The following KAZALD1 variants were observed in gnomAD, a reference collection of about 807,000 sequenced individuals.
KAZALD1 encodes kazal-type serine protease inhibitor domain-containing protein 1.
KAZALD1 carries 31 observed loss-of-function variants against 27.7 expected under a neutral mutation model. That is an observed-to-expected ratio of 1.12 (90% CI 0.84 to 1.51). The LOEUF is 1.51. Ranked by LOEUF, KAZALD1 falls within the 40% of genes most tolerant of loss-of-function variation. KAZALD1 has a pLI of 0.00. For missense variants in KAZALD1, 444 were observed against 408.9 expected (o/e 1.09, Z -0.74); for synonymous variants, 179 against 182.0 (o/e 0.98, Z 0.13).
In KAZALD1 at chr10:101,065,742, C is replaced by T. The variant is rs1263449757; in HGVS notation, c.*822C>T. 6.6e-6 allele frequency: 1 copy of T among 152,298 alleles called. No homozygotes were observed. Among genetic ancestry groups the T allele is most frequent in the Non-Finnish European group, 1.5e-5 (1 of 68,096 alleles). 9.4% of individuals were successfully genotyped at this position (152,298 alleles called of 1,614,324 possible). A position where few individuals can be genotyped will look rare whatever the true frequency, so the allele number is the denominator to read the frequency against. ...AGAAAGTTTGAACTTGGGCCTATCC[C>T]GCCTTTGAGGGAGGGAGGCTGGAGC... is the stretch of plus-strand genomic sequence containing the variant. On this transcript the variant is annotated 3_prime_UTR_variant, in exon 5 of 5. Coordinates refer to ENST00000370200, the MANE Select transcript of KAZALD1 (RefSeq NM_030929.5).
Position 101,064,608 on chromosome 10 carries a change from T to A in KAZALD1, c.780T>A (p.Gly260=), listed in dbSNP as rs776614304. 6.2e-7 allele frequency: 1 copy of A among 1,613,844 alleles called. No individual in the cohort carries two copies. Among genetic ancestry groups the A allele is most frequent in the Non-Finnish European group, 8.5e-7 (1 of 1,179,996 alleles). ...GCTGCCTTGGCCGCAATGCCCTGGG[T>A]CAAGTGGAGGCCCCTGCTAGCTTGA... ...TYRCLGRNAL[G]QVEAPASLTV... The change falls in exon 4 of 5, where the codon GGT becomes GGA. Residue 260 remains glycine, a synonymous_variant. Transcript: ENST00000370200.
rs1299468923 is a variant in KAZALD1, at chr10:101,064,498, C to A, written c.673-3C>A. On this transcript the variant is annotated splice_region_variant and splice_polypyrimidine_tract_variant and intron_variant, in intron 3 of 4. Coordinates refer to ENST00000370200, the MANE Select transcript of KAZALD1 (RefSeq NM_030929.5). ...ACCCTGCTGATTCCTTGCCTGGCTC[C>A]AGTTTAGGGGTGGACCCCAGAGGTT... 1.2e-6 allele frequency: 2 copies of A among 1,614,180 alleles called. No individual in the cohort carries two copies. The highest frequency in any genetic ancestry group is 2.2e-5 in the South Asian group (2 of 91,084).
rs200601082 is a variant in KAZALD1 at position 101,064,938 on chromosome 10, A to T, written c.*18A>T. 2.4e-5 allele frequency: 38 copies of T among 1,576,620 alleles called. 1 individual carries two copies. The highest frequency in any genetic ancestry group is 1.7e-4 in the Middle Eastern group (1 of 5,924). On this transcript the variant is annotated 3_prime_UTR_variant, in exon 5 of 5. Coordinates refer to ENST00000370200, the MANE Select transcript of KAZALD1 (RefSeq NM_030929.5). ...ACTACTAGGTCCAGAGCTCTGGCCCATGGGGGTGGGTGAGCGGCTATAGTG... is the reference window on the plus strand; with the variant it reads ...ACTACTAGGTCCAGAGCTCTGGCCCTTGGGGGTGGGTGAGCGGCTATAGTG...
Position 101,066,887 on chromosome 10 carries a change from C to G in KAZALD1, c.*1967C>G. ...CCTCCCCGCCCTGCTGGTTCAAGCA[C>G]CACAGCCTGGAATGGGAGAACTGTT... On this transcript the variant is annotated 3_prime_UTR_variant, in exon 5 of 5. Transcript: ENST00000370200. The G allele has an allele frequency of 3.1e-6, 1 of 318,822 alleles. No homozygotes were observed. The highest frequency in any genetic ancestry group is 9.3e-5 in the East Asian group (1 of 10,808). 19.7% of individuals were successfully genotyped at this position (318,822 alleles called of 1,614,324 possible). A position where few individuals can be genotyped will look rare whatever the true frequency, so the allele number is the denominator to read the frequency against.
downstream of KAZALD1, chr10:101,067,196 C>G (rs1939346204): frequency 8.9e-6 from 4 of 447,260 alleles, no homozygotes; most frequent in Non-Finnish European, 1.8e-5. Context: ...CCAGAACTCC[C>G]GGTTTCGCCT....
downstream of KAZALD1, chr10:101,067,180 C>T (rs1051274228): frequency 3.4e-5 from 15 of 439,514 alleles, no homozygotes; most frequent in Non-Finnish European, 7.0e-5. Flanking sequence ...GGAGGCTGAG[C>T]CGCTGCCAGA....
chr10:101,068,101 G>A (rs1345116113), downstream of KAZALD1: 1 of 432,828 alleles, frequency 2.3e-6, no homozygotes, highest in Non-Finnish European at 4.8e-6. Flanking sequence ...TACTTGACTG[G>A]AAAAATCTGA....
At chr10:101,068,043 C>T (rs1391085969), downstream of KAZALD1, 2 of 471,574 alleles carry the variant, frequency 4.2e-6, no homozygotes, top group South Asian at 3.1e-5. Context: ...TCTGGTGGAT[C>T]CTTCTGGTAG....
intron 2 of KAZALD1, 106 bp downstream of exon 2, chr10:101,063,209 G>A (rs1939216779): frequency 1.0e-6 from 1 of 991,640 alleles, no homozygotes; most frequent in Admixed American, 3.1e-5. Flanking sequence ...AAAAAGATAA[G>A]GCTATAGAGG....
chr10:101,063,430 C>T (rs1211785290), intron 2 of KAZALD1, among the ~76,000 whole-genome samples: 2 of 152,136 alleles, frequency 1.3e-5, no homozygotes, highest in East Asian at 3.9e-4. Flanking sequence ...CTCAGAGACC[C>T]CCCCGACTTT....
In KAZALD1 at chr10:101,063,027, C is replaced by G; in HGVS notation, c.435C>G (p.Ile145Met). 1 of 1,589,554 alleles carries G rather than the reference C, an allele frequency of 6.3e-7. No homozygotes were observed. Among genetic ancestry groups the G allele is most frequent in the Non-Finnish European group, 8.5e-7 (1 of 1,171,900 alleles). ...CCGACGGTCACACCTACTCCCAGAT[C>G]TGCCGCCTGCAGGAGGCGGCCCGCG... Reference protein sequence around the residue: ...CGSDGHTYSQICRLQEAARAR... With the variant: ...CGSDGHTYSQMCRLQEAARAR... Residue 145 changes from isoleucine to methionine, a missense_variant, in exon 2 of 5, where the codon ATC becomes ATG. Transcript: ENST00000370200.
Position 101,062,689 on chromosome 10 carries a change from TC to T in KAZALD1, c.101del (p.Pro34GlnfsTer14). 6.5e-7 allele frequency: 1 copy of T among 1,540,864 alleles called. No homozygotes were observed. The highest frequency in any genetic ancestry group is 1.2e-5 in the South Asian group (1 of 85,600). ...GCCGCCCCCGACCGGCGCAAGGCCA[TC>T]CCCAGGCCCAGATTACCTGCGGCGC... ...LTPPPTGARPSPGPDYLRRGW... is the reference protein window; with the variant it reads ...LTPPPTGARPXPGPDYLRRGW... On this transcript the variant is annotated frameshift_variant, in exon 2 of 5. Coordinates refer to ENST00000370200, the MANE Select transcript of KAZALD1 (RefSeq NM_030929.5). LOFTEE classifies it high-confidence loss of function.
At chr10:101,063,317 C>T (rs2134240968) in intron 2 of KAZALD1, among the ~76,000 whole-genome samples, 1 of 152,232 alleles carries the variant, frequency 6.6e-6, no homozygotes, top group Admixed American at 6.5e-5. Flanking sequence ...GAGTCCCGGG[C>T]TTCGTCAGCA....
Position 101,064,829 on chromosome 10 carries a change from A to G in KAZALD1, c.824A>G (p.Gln275Arg), listed in dbSNP as rs756165721. ...CTTTGCCCATGTGTGTTTGCAGACC[A>G]GCTGAACTCTACAGGCATCCCCCAG... ...PASLTVLTPD[Q>R]LNSTGIPQLR... The change falls in exon 5 of 5, where the codon CAG becomes CGG. Residue 275 changes from glutamine to arginine, a missense_variant. Transcript: ENST00000370200. The G allele has an allele frequency of 2.5e-6, 4 of 1,614,108 alleles. No homozygotes were observed. In the Admixed American group the frequency reaches 5.0e-5, roughly 20 times the overall value.
chr10:101,066,653 C>G lies in KAZALD1; in HGVS notation c.*1733C>G. On this transcript the variant is annotated 3_prime_UTR_variant, in exon 5 of 5. Transcript: ENST00000370200. ...CCCAGCATCAGCCAGGGAATCCGCC[C>G]CTAGCTTGTTCTTCGCCCAGCTGGG... is the stretch of plus-strand genomic sequence containing the variant. The G allele has an allele frequency of 5.3e-6, 2 of 376,884 alleles. No individual in the cohort carries two copies. The highest frequency in any genetic ancestry group is 3.9e-5 in the South Asian group (2 of 51,932). 23.3% of individuals were successfully genotyped at this position (376,884 alleles called of 1,614,324 possible).
At chr10:101,064,736 A>T (rs148414583) in intron 4 of KAZALD1, 88 bp downstream of exon 4, 37 of 1,599,434 alleles carry the variant, frequency 2.3e-5, no homozygotes, top group Non-Finnish European at 3.2e-5. Context: ...GTGTCTGTAT[A>T]CACAAGCATA....
In KAZALD1 at chr10:101,064,837, T is replaced by A; in HGVS notation, c.832T>A (p.Ser278Thr). ...LTVLTPDQLN[S>T]TGIPQLRSLN... The stretch of plus-strand genomic sequence containing the variant: ...ATGTGTGTTTGCAGACCAGCTGAAC[T>A]CTACAGGCATCCCCCAGCTGCGATC... Residue 278 changes from serine to threonine, a missense_variant, in exon 5 of 5, where the codon TCT (serine) becomes ACT (threonine). Ser to Thr is a moderately conservative substitution (Grantham distance 58). Coordinates refer to ENST00000370200, the MANE Select transcript of KAZALD1 (RefSeq NM_030929.5). 1 of 1,614,144 alleles carries A rather than the reference T, an allele frequency of 6.2e-7. No homozygotes were observed. Among genetic ancestry groups the A allele is most frequent in the Non-Finnish European group, 8.5e-7 (1 of 1,179,994 alleles).
rs1939210424 is a variant in KAZALD1, at chr10:101,063,058, C to G, written c.466C>G (p.Pro156Ala). Reference sequence around the variant, plus strand: ...CCTGCAGGAGGCGGCCCGCGCTCGGCCCGATGCCAACCTCACTGTGGCACA... The same window carrying G: ...CCTGCAGGAGGCGGCCCGCGCTCGGGCCGATGCCAACCTCACTGTGGCACA... ...CRLQEAARAR[P>A]DANLTVAHPG... is the part of the protein sequence containing the mutation. Residue 156 changes from proline (P) to alanine (A), a missense_variant, in exon 2 of 5, where the codon CCC becomes GCC. Transcript: ENST00000370200. The G allele has an allele frequency of 8.9e-6, 14 of 1,580,782 alleles. No individual in the cohort carries two copies. The highest frequency in any genetic ancestry group is 1.2e-5 in the Non-Finnish European group (14 of 1,167,150).
Position 101,065,215 on chromosome 10 carries a change from G to A in KAZALD1, c.*295G>A. Reference sequence around the variant, plus strand: ...CAGGTTGTTTCCCAGGCTGGGGTGGGGGCCTGAGCAGACACAGAGGTGCAG... The same window carrying A: ...CAGGTTGTTTCCCAGGCTGGGGTGGAGGCCTGAGCAGACACAGAGGTGCAG... On this transcript the variant is annotated 3_prime_UTR_variant, in exon 5 of 5. Transcript: ENST00000370200. 2.6e-6 allele frequency: 1 copy of A among 380,252 alleles called. No homozygotes were observed. Among genetic ancestry groups the A allele is most frequent in the Non-Finnish European group, 4.9e-6 (1 of 205,636 alleles). 23.6% of individuals were successfully genotyped at this position (380,252 alleles called of 1,614,324 possible).
Sources: gnomAD v4.1 joint callset for allele counts (sites outside exome capture counted in the v4.1 genomes callset) on GRCh38, gnomAD v4.1.1 for gene constraint, MANE v1.5 for transcripts, NCBI Gene and HGNC (gene_info 2026-07-23, HGNC 2026-07-21) for gene names.